NLK: variants seen among roughly 807,000 people sequenced by gnomAD.
NLK encodes the protein serine/threonine-protein kinase NLK.
A neutral mutation model predicts 59.0 loss-of-function variants in NLK; 11 were observed. That is an observed-to-expected ratio of 0.19 (90% CI 0.12 to 0.31). NLK has a LOEUF of 0.31. NLK is among the 10% of genes least tolerant of loss of function. The pLI is 1.00. For missense variants in NLK, 410 were observed against 661.1 expected, an observed-to-expected ratio of 0.62 and a Z score of 4.16; for synonymous variants, 235 against 235.9, an observed-to-expected ratio of 1.00 and a Z score of 0.03.
At chr17:28,140,444 A>T (rs183812844) in intron 3 of NLK, among the ~76,000 whole-genome samples, 1 of 152,202 alleles carries the variant, frequency 6.6e-6, no homozygotes, top group African/African-American at 2.4e-5. Flanking sequence ...ATTTTACCAC[A>T]ATTTTTAAAA....
chr17:28,118,679 G>A (rs1238733470), intron 1 of NLK, among the ~76,000 whole-genome samples: 1 of 152,116 alleles, frequency 6.6e-6, no homozygotes, highest in Admixed American at 6.5e-5. Context: ...AATGCTTCCT[G>A]TTTTGTTATT....
chr17:28,136,975 TCA>T (rs1906777925), intron 3 of NLK, among the ~76,000 whole-genome samples: 2 of 150,132 alleles, frequency 1.3e-5, no homozygotes, highest in African/African-American at 2.4e-5. Context: ...AAAAAATTCC[TCA>T]GTTTCCTCTT....
chr17:28,203,508 G>A, the NLK span, among the ~76,000 whole-genome samples: 2 of 152,084 alleles, frequency 1.3e-5, no homozygotes, highest in Admixed American at 6.6e-5. Flanking sequence ...CCTCGAGGCA[G>A]AGCCAGCACT....
In NLK at chr17:28,070,418, G is replaced by A. The variant is rs145284011; in HGVS notation, c.458+27087G>A. Among the ~76,000 whole-genome samples, 848 of 145,282 alleles carry A rather than the reference G, an allele frequency of 5.8e-3. 10 individuals carry two copies. The highest frequency in any genetic ancestry group is 0.021 in the African/African-American group (808 of 39,252). ...TTGCCAGGCTGGAGTGCAGTGGTGC[G>A]ATCTCGGCTCACTGCAGCCTCCACC... On this transcript the variant is annotated intron_variant, in intron 1 of 10. Coordinates refer to ENST00000407008, the MANE Select transcript of NLK (RefSeq NM_016231.5).
At chr17:28,189,843 G>GA (rs936664689) in intron 8 of NLK, among the ~76,000 whole-genome samples, 15 of 149,956 alleles carry the variant, frequency 1.0e-4, no homozygotes, top group East Asian at 1.9e-4. Context: ...TTATTGAAAG[G>GA]AAAAAAAAAC....
chr17:28,126,530 C>CTTGG (rs1321369172), intron 2 of NLK, among the ~76,000 whole-genome samples: 1 of 152,132 alleles, frequency 6.6e-6, no homozygotes, highest in Non-Finnish European at 1.5e-5. Context: ...TTAGAAAGAT[C>CTTGG]TTGGTCATTG....
In NLK at chr17:28,099,020, G is replaced by A. The variant is rs540409979; in HGVS notation, c.459-23583G>A. Among the ~76,000 whole-genome samples, 3 of 151,952 alleles carry A rather than the reference G, an allele frequency of 2.0e-5. No individual in the cohort carries two copies. The South Asian group carries it at 6.2e-4, about 32-fold the overall frequency. On this transcript the variant is annotated intron_variant, in intron 1 of 10. Transcript: ENST00000407008. ...TTGTACAGGCTTATTTTGTCTGATTGTTTCTGTAGTAAACATTTCCAGAAG... is the reference window on the plus strand; with the variant it reads ...TTGTACAGGCTTATTTTGTCTGATTATTTCTGTAGTAAACATTTCCAGAAG...
intron 7 of NLK, among the ~76,000 whole-genome samples, chr17:28,173,064 G>A (rs974888154): frequency 1.3e-5 from 2 of 152,194 alleles, no homozygotes; most frequent in Non-Finnish European, 2.9e-5. Context: ...TGTGAACGTT[G>A]TTAGAAAAGA....
intron 1 of NLK, among the ~76,000 whole-genome samples, chr17:28,111,908 T>TGTG (rs1905532220): frequency 7.1e-6 from 1 of 140,222 alleles, no homozygotes; most frequent in African/African-American, 2.8e-5. Flanking sequence ...TGTGTGTGTG[T>TGTG]GTGTGTGTGT....
intron 5 of NLK, among the ~76,000 whole-genome samples, chr17:28,165,462 A>T (rs910692478): frequency 1.1e-4 from 16 of 152,240 alleles, no homozygotes; most frequent in African/African-American, 3.9e-4. Flanking sequence ...ATTTTGCTCC[A>T]CTCCTTTGAC....
intron 1 of NLK, among the ~76,000 whole-genome samples, chr17:28,083,282 T>C (rs1037707041): frequency 2.0e-5 from 3 of 152,212 alleles, no homozygotes. Context: ...TAAATATTTG[T>C]TGAATGAATA....
intron 1 of NLK, among the ~76,000 whole-genome samples, chr17:28,098,743 C>A (rs1203225568): frequency 5.9e-5 from 8 of 135,008 alleles, no homozygotes; most frequent in Admixed American, 3.5e-4. Context: ...AGTGCAATGG[C>A]GCCATCTCGG....
chr17:28,066,892 T>C (rs1909841950), intron 1 of NLK, among the ~76,000 whole-genome samples: 1 of 152,244 alleles, frequency 6.6e-6, no homozygotes, highest in Non-Finnish European at 1.5e-5. Context: ...GCTGTCTCTG[T>C]ATCCTTTTTT....
At chr17:28,193,579 T>C (rs1044785632) in intron 10 of NLK, among the ~76,000 whole-genome samples, 1 of 152,234 alleles carries the variant, frequency 6.6e-6, no homozygotes, top group African/African-American at 2.4e-5. Flanking sequence ...GAACAGGGTC[T>C]GGCTCCAGTA....
chr17:28,051,079 CAAAA>C (rs564894359), intron 1 of NLK, among the ~76,000 whole-genome samples: 2 of 63,408 alleles, frequency 3.2e-5, no homozygotes, highest in Non-Finnish European at 3.5e-5. Context: ...GAACCTGTCT[CAAAA>C]AAAAAAAAAA....
At chr17:28,111,943 G>GTGTGTGTA (rs1382860300) in intron 1 of NLK, among the ~76,000 whole-genome samples, 35 of 141,392 alleles carry the variant, frequency 2.5e-4, no homozygotes, top group Non-Finnish European at 4.5e-4. Flanking sequence ...GTGTGTGTGT[G>GTGTGTGTA]TGTATGTGTA....
intron 1 of NLK, among the ~76,000 whole-genome samples, chr17:28,063,237 T>C (rs2142749185): frequency 6.6e-6 from 1 of 152,342 alleles, no homozygotes; most frequent in African/African-American, 2.4e-5. Context: ...TGGCAACATT[T>C]TTAGTTTTAA....
At chr17:28,075,800 T>C (rs866564767) in intron 1 of NLK, among the ~76,000 whole-genome samples, 1 of 152,160 alleles carries the variant, frequency 6.6e-6, no homozygotes, top group Non-Finnish European at 1.5e-5. Flanking sequence ...TTTTTCCCCC[T>C]TCCTCAAACC....
At chr17:28,162,351 G>C (rs904969606) in intron 4 of NLK, among the ~76,000 whole-genome samples, 2 of 152,062 alleles carry the variant, frequency 1.3e-5, no homozygotes, top group African/African-American at 4.8e-5. Flanking sequence ...CTCACCTCCA[G>C]GCCAGGCATG....
Sources: gnomAD v4.1 joint callset for allele counts (sites outside exome capture counted in the v4.1 genomes callset) on GRCh38, gnomAD v4.1.1 for gene constraint, MANE v1.5 for transcripts, NCBI Gene and HGNC (gene_info 2026-07-23, HGNC 2026-07-21) for gene names.